Variants in NBPF3 observed in about 807,000 individuals in gnomAD.
NBPF3 encodes the protein NBPF family member NBPF3.
A neutral mutation model predicts 78.1 loss-of-function variants in NBPF3; 57 were observed. That is an observed-to-expected ratio of 0.73 (90% confidence interval 0.59 to 0.91). The LOEUF (loss-of-function observed/expected upper bound fraction) is 0.91, where lower values mean the gene tolerates loss of function less well. Among genes scored for constraint, NBPF3 ranks in the 40% least tolerant of loss-of-function variants. The probability of loss-of-function intolerance (pLI) is 0.00; values close to 1 mark genes in which losing one functional copy is unlikely to be tolerated. For synonymous variants in NBPF3, 182 were observed against 271.7 expected (o/e 0.67, Z 3.25); for missense variants, 510 against 715.3 (o/e 0.71, Z 3.27).
Position 21,484,012 on chromosome 1 carries a change from C to A in NBPF3, c.*626C>A. The A allele has an allele frequency of 6.6e-6, 1 of 151,834 alleles. No homozygotes were observed. The highest frequency in any genetic ancestry group is 1.5e-5 in the Non-Finnish European group (1 of 68,424). 9.4% of individuals were successfully genotyped at this position (151,834 alleles called of 1,614,324 possible). ...ACAAACAGCATTGGGAGGCCTTAGT[C>A]CTGCTCCTTTCAATTCCATCCTGTA... On this transcript the variant is annotated 3_prime_UTR_variant, in exon 15 of 15. Coordinates refer to ENST00000318249, the MANE Select transcript of NBPF3 (RefSeq NM_032264.6).
At chr1:21,470,244 A>T (rs1642510340) in intron 3 of NBPF3, among the ~76,000 whole-genome samples, 2 of 152,216 alleles carry the variant, frequency 1.3e-5, no homozygotes, top group African/African-American at 4.8e-5. Context: ...TCAGTCCCAT[A>T]GTCCTAGGGG....
intron 2 of NBPF3, chr1:21,454,134 C>T (rs1359464567): frequency 6.6e-6 from 1 of 152,208 alleles, no homozygotes; most frequent in East Asian, 1.9e-4. Context: ...CTGCACTAGC[C>T]CATGAGGAGG....
intron 2 of NBPF3, among the ~76,000 whole-genome samples, chr1:21,446,749 C>T (rs1037967778): frequency 1.3e-5 from 2 of 152,012 alleles, no homozygotes; most frequent in African/African-American, 4.8e-5. Flanking sequence ...AGAGCTCATC[C>T]AGTAGCCCTT....
chr1:21,483,143 G>C lies in NBPF3; in HGVS notation c.1659G>C (p.Arg553Ser). Residue 553 changes from arginine to serine, a missense_variant and splice_region_variant, in exon 15 of 15, where the codon AGG (arginine) becomes AGC (serine). By Grantham distance (110) the Arg-to-Ser change is moderately radical. Coordinates refer to ENST00000318249, the MANE Select transcript of NBPF3 (RefSeq NM_032264.6). ...TCTTTAGTTTTGTCTCCTTTTCCAG[G>C]CTCAACGAGGTGCTGATGGAAGCAG... ...GEEDQKPPCP[R>S]LNEVLMEAEE... 1 of 1,611,744 alleles carries C rather than the reference G, an allele frequency of 6.2e-7. No individual in the cohort carries two copies.
intron 7 of NBPF3, 47 bp from the exon 8 acceptor site, chr1:21,474,853 G>A (rs7531217): frequency 0.77 from 1,173,074 of 1,520,346 alleles, 455,683 homozygotes; most frequent in South Asian, 0.9. Flanking sequence ...GTCATATGTG[G>A]AGTGTGAATT....
chr1:21,450,463 C>T (rs1021521016), intron 2 of NBPF3, among the ~76,000 whole-genome samples: 5 of 152,160 alleles, frequency 3.3e-5, no homozygotes, highest in Admixed American at 3.3e-4. Context: ...ACCTCACCAG[C>T]TCAAAGTCAT....
chr1:21,457,875 G>T (rs746118104), intron 2 of NBPF3, among the ~76,000 whole-genome samples: 1 of 152,186 alleles, frequency 6.6e-6, no homozygotes, highest in Non-Finnish European at 1.5e-5. Context: ...AACTGGGGAG[G>T]AAGAGAGTTT....
chr1:21,457,289 A>T (rs1641659094), intron 2 of NBPF3, among the ~76,000 whole-genome samples: 1 of 151,092 alleles, frequency 6.6e-6, no homozygotes, highest in African/African-American at 2.4e-5. Context: ...ATAAAAAGAA[A>T]CCACAATATA....
chr1:21,471,248 A>G (rs1642578508), intron 4 of NBPF3, among the ~76,000 whole-genome samples: 1 of 152,158 alleles, frequency 6.6e-6, no homozygotes, highest in Admixed American at 6.5e-5. Context: ...TGCACGTGGA[A>G]ATGTCCATGG....
intron 2 of NBPF3, among the ~76,000 whole-genome samples, chr1:21,452,086 T>G (rs1218119968): frequency 6.6e-6 from 1 of 152,238 alleles, no homozygotes; most frequent in East Asian, 1.9e-4. Context: ...ATTCTTTAGA[T>G]AAGAATTTAA....
At chr1:21,470,324 C>T (rs1642514513) in intron 3 of NBPF3, among the ~76,000 whole-genome samples, 1 of 152,184 alleles carries the variant, frequency 6.6e-6, no homozygotes, top group African/African-American at 2.4e-5. Context: ...GGCTGCAAGG[C>T]TTGGGAAAGT....
intron 4 of NBPF3, among the ~76,000 whole-genome samples, chr1:21,471,015 G>A (rs72659135): frequency 0.025 from 3,738 of 152,172 alleles, 77 homozygotes; most frequent in East Asian, 0.093. Flanking sequence ...GGGAACCACC[G>A]AGCAGCATTC....
At position 21,476,400 on chromosome 1, in the gene NBPF3, G is replaced by T. The variant is rs1558504615; in HGVS notation, c.992+1449G>T. Among the ~76,000 whole-genome samples, 1 of 152,196 alleles carries T rather than the reference G, an allele frequency of 6.6e-6. No individual in the cohort carries two copies. Among genetic ancestry groups the T allele is most frequent in the Non-Finnish European group, 1.5e-5 (1 of 68,040 alleles). On this transcript the variant is annotated intron_variant, in intron 8 of 14. Coordinates refer to ENST00000318249, the MANE Select transcript of NBPF3 (RefSeq NM_032264.6). This position sits in a 1 kb window ranked among gnomAD's most constrained non-coding sequence, Gnocchi z 4.1. ...CTTTACAATTTGGCACGTTTTTGCA[G>T]TGGCTGGCTGGTACTGGTTGTTCCT... is the stretch of plus-strand genomic sequence containing the variant.
At chr1:21,479,848 G>GTGTGTGTGTGTGTGTGTATGTGTA (rs746655034) in intron 10 of NBPF3, among the ~76,000 whole-genome samples, 6 of 121,894 alleles carry the variant, frequency 4.9e-5, no homozygotes, top group Admixed American at 2.6e-4. Context: ...GTGTGTGTGT[G>GTGTGTGTGTGTGTGTGTATGTGTA]TGTGTATGTG....
chr1:21,449,527 A>G (rs1383797912), intron 2 of NBPF3, among the ~76,000 whole-genome samples: 2 of 152,008 alleles, frequency 1.3e-5, no homozygotes, highest in African/African-American at 4.8e-5. Context: ...GCTGGAATGT[A>G]ATGGCGTGAT....
Position 21,460,920 on chromosome 1 carries a change from A to G in NBPF3, c.134-7768A>G, listed in dbSNP as rs149165079. Among the ~76,000 whole-genome samples the G allele has an allele frequency of 5.8e-4, 89 of 152,340 alleles. 1 individual carries two copies. Among genetic ancestry groups the G allele is most frequent in the Admixed American group, 5.2e-3 (80 of 15,308 alleles). ...AATATATAAAGAACTCCTATAGGTT[A>G]CAAGAAAATGACAAACACACCAGTG... is the stretch of plus-strand genomic sequence containing the variant. On this transcript the variant is annotated intron_variant, in intron 2 of 14. Transcript: ENST00000318249. The surrounding 1 kb of genome is among the most constrained non-coding windows in gnomAD (Gnocchi z 4.2).
chr1:21,477,964 C>T (rs7518950), intron 8 of NBPF3, 180 bp from the exon 9 acceptor site: 64,337 of 1,388,040 alleles, frequency 0.046, 1,718 homozygotes, highest in African/African-American at 0.098. Context: ...TTGTTCGGTC[C>T]TCAGAGCAGT....
chr1:21,444,381 T>G (rs1285966995), intron 1 of NBPF3, among the ~76,000 whole-genome samples: 1 of 152,232 alleles, frequency 6.6e-6, no homozygotes, highest in African/African-American at 2.4e-5. Flanking sequence ...ACAATATATG[T>G]GTACAGATAG....
upstream of NBPF3, among the ~76,000 whole-genome samples, chr1:21,438,792 A>C (rs899708011): frequency 6.6e-6 from 1 of 152,204 alleles, no homozygotes; most frequent in African/African-American, 2.4e-5. Flanking sequence ...TGAGGTTCAC[A>C]GAAGATAATG....
Sources: gnomAD v4.1 joint callset for allele counts (sites outside exome capture counted in the v4.1 genomes callset) on GRCh38, gnomAD v4.1.1 for gene constraint, Gnocchi (gnomAD v3.1) non-coding constraint, MANE v1.5 for transcripts, NCBI Gene and HGNC (gene_info 2026-07-23, HGNC 2026-07-21) for gene names.